Variants in PRKCA observed in about 807,000 individuals in gnomAD.
PRKCA encodes the protein protein kinase C alpha type.
PRKCA carries 27 observed loss-of-function variants against 87.0 expected under a neutral mutation model. The ratio of observed to expected loss-of-function variants is 0.31; its 90% confidence interval spans 0.23 to 0.43. PRKCA has a LOEUF of 0.43. PRKCA is among the 20% of genes least tolerant of loss of function. PRKCA has a pLI of 1.00. For missense variants in PRKCA, 518 were observed against 852.3 expected, an observed-to-expected ratio of 0.61 and a Z score of 4.88; for synonymous variants, 329 against 311.1, an observed-to-expected ratio of 1.06 and a Z score of -0.61.
At chr17:66,339,549 T>C (rs1906912051) in intron 2 of PRKCA, among the ~76,000 whole-genome samples, 1 of 152,252 alleles carries the variant, frequency 6.6e-6, no homozygotes, top group African/African-American at 2.4e-5. Context: ...AAACTGCTCC[T>C]ATAAAGCAAG....
intron 3 of PRKCA, among the ~76,000 whole-genome samples, chr17:66,588,100 G>T (rs1329088233): frequency 6.6e-6 from 1 of 151,820 alleles, no homozygotes; most frequent in Non-Finnish European, 1.5e-5. Flanking sequence ...AGTGTTGGAG[G>T]ATTCTACTTC....
intron 3 of PRKCA, among the ~76,000 whole-genome samples, chr17:66,627,097 A>C (rs1360923399): frequency 6.6e-6 from 1 of 152,240 alleles, no homozygotes; most frequent in Non-Finnish European, 1.5e-5. Context: ...TGTCTGCTAC[A>C]TGTAGAAATA....
At chr17:66,495,806 T>A (rs189225169) in intron 2 of PRKCA, among the ~76,000 whole-genome samples, 7 of 152,212 alleles carry the variant, frequency 4.6e-5, no homozygotes, top group East Asian at 1.9e-4. Context: ...TGACATCAAG[T>A]GATCTACCTG....
intron 2 of PRKCA, among the ~76,000 whole-genome samples, chr17:66,310,647 A>G (rs1020581239): frequency 3.3e-5 from 5 of 152,172 alleles, no homozygotes; most frequent in African/African-American, 1.2e-4. Flanking sequence ...TCCTTCTGTA[A>G]GAATGAAAGT....
intron 5 of PRKCA, among the ~76,000 whole-genome samples, chr17:66,670,132 T>C (rs1026511217): frequency 6.6e-6 from 1 of 152,216 alleles, no homozygotes; most frequent in Non-Finnish European, 1.5e-5. Flanking sequence ...TCGTGGCATA[T>C]TCTCAGAGAT....
chr17:66,340,818 G>A (rs575255770), intron 2 of PRKCA, among the ~76,000 whole-genome samples: 2 of 152,104 alleles, frequency 1.3e-5, no homozygotes, highest in Non-Finnish European at 2.9e-5. Context: ...AATAAATTTT[G>A]TGAAAATTAT....
intron 2 of PRKCA, among the ~76,000 whole-genome samples, chr17:66,311,391 G>A (rs535113134): frequency 9.9e-5 from 15 of 152,246 alleles, no homozygotes; most frequent in African/African-American, 3.1e-4. Context: ...TGAGGCGGTC[G>A]AATTGCTTGA....
intron 5 of PRKCA, among the ~76,000 whole-genome samples, chr17:66,677,917 T>C (rs1265998462): frequency 1.3e-5 from 2 of 152,230 alleles, no homozygotes; most frequent in Non-Finnish European, 2.9e-5. Context: ...TTGTGCAATA[T>C]ACACCACCAC....
intron 5 of PRKCA, among the ~76,000 whole-genome samples, chr17:66,685,752 A>C (rs1389993154): frequency 6.6e-6 from 1 of 152,216 alleles, no homozygotes; most frequent in Non-Finnish European, 1.5e-5. Flanking sequence ...CTCCCCATCT[A>C]ACCCTGCCCA....
chr17:66,318,361 T>C (rs1905438521), intron 2 of PRKCA, among the ~76,000 whole-genome samples: 1 of 152,226 alleles, frequency 6.6e-6, no homozygotes, highest in African/African-American at 2.4e-5. Context: ...TTTTAGGTGC[T>C]AATTCAAGTT....
intron 3 of PRKCA, among the ~76,000 whole-genome samples, chr17:66,551,343 A>G (rs1475467219): frequency 6.6e-6 from 1 of 152,274 alleles, no homozygotes; most frequent in East Asian, 1.9e-4. Flanking sequence ...AGGGACTCAC[A>G]TAAGGCTGCA....
intron 5 of PRKCA, among the ~76,000 whole-genome samples, chr17:66,647,947 T>C (rs1971497395): frequency 6.6e-6 from 1 of 151,286 alleles, no homozygotes; most frequent in Non-Finnish European, 1.5e-5. Flanking sequence ...TAATAATGTC[T>C]TATTCCATTC....
intron 3 of PRKCA, among the ~76,000 whole-genome samples, chr17:66,564,174 G>T (rs1267141408): frequency 6.6e-6 from 1 of 152,004 alleles, no homozygotes; most frequent in South Asian, 2.1e-4. Flanking sequence ...TGCCTCCCGG[G>T]TTCAAGGGAT....
At chr17:66,761,093 T>C (rs1974672058) in intron 13 of PRKCA, among the ~76,000 whole-genome samples, 1 of 152,132 alleles carries the variant, frequency 6.6e-6, no homozygotes, top group Non-Finnish European at 1.5e-5. Context: ...ATACATAGGC[T>C]GGGCGCAGTG....
chr17:66,716,907 A>G (rs9911919), intron 8 of PRKCA, among the ~76,000 whole-genome samples: 149,573 of 152,350 alleles, frequency 0.98, 73,422 homozygotes, highest in Middle Eastern at 1. Context: ...CCATGAAAAT[A>G]TTTCTTGTTA....
intron 3 of PRKCA, among the ~76,000 whole-genome samples, chr17:66,636,433 A>G (rs111681071): frequency 0.053 from 8,118 of 152,276 alleles, 288 homozygotes; most frequent in Admixed American, 0.078. Context: ...GCATTTGCCA[A>G]GAGGACTGGC....
rs143553613 is a variant in PRKCA at position 66,336,330 on chromosome 17, G to A, written c.205+30203G>A. ...CTATCAGTTGAAGTATGCTTGACAT[G>A]CAAACAAATATTGGTGATCCCTAAC... On this transcript the variant is annotated intron_variant, in intron 2 of 16. Coordinates refer to ENST00000413366, the MANE Select transcript of PRKCA (RefSeq NM_002737.3). Among the ~76,000 whole-genome samples, 328 of 152,292 alleles carry A rather than the reference G, an allele frequency of 2.2e-3. 2 individuals are homozygous for A. Among genetic ancestry groups the A allele is most frequent in the African/African-American group, 7.6e-3 (316 of 41,552 alleles).
chr17:66,698,441 A>G (rs1972981694), intron 8 of PRKCA, among the ~76,000 whole-genome samples: 1 of 152,196 alleles, frequency 6.6e-6, no homozygotes, highest in African/African-American at 2.4e-5. Context: ...GGTGAAGAAT[A>G]CAGTGAATGA....
chr17:66,588,684 A>T (rs953663947), intron 3 of PRKCA, among the ~76,000 whole-genome samples: 3 of 110,692 alleles, frequency 2.7e-5, no homozygotes, highest in Non-Finnish European at 5.0e-5. Context: ...TTTGTTGCCC[A>T]GGCTGGAGTG....
Sources: allele counts gnomAD v4.1 joint callset (sites outside exome capture counted in the v4.1 genomes callset), GRCh38; gene constraint gnomAD v4.1.1; transcripts MANE v1.5; gene names NCBI Gene and HGNC (gene_info 2026-07-23, HGNC 2026-07-21).